The following AATK variants were observed in gnomAD, a reference collection of about 807,000 sequenced individuals.
AATK encodes serine/threonine-protein kinase LMTK1.
AATK carries 91 observed loss-of-function variants against 114.3 expected under a neutral mutation model. The ratio of observed to expected loss-of-function variants is 0.80; its 90% CI spans 0.67 to 0.95. The LOEUF is 0.95. Ranked by LOEUF, AATK falls within the 40% of genes least tolerant of loss-of-function variation. The probability of loss-of-function intolerance (pLI) is 0.00; values close to 1 mark genes in which losing one functional copy is unlikely to be tolerated. For missense variants in AATK, 2,176 were observed against 1,965.2 expected, an observed-to-expected ratio of 1.11 and a Z score of -2.03; for synonymous variants, 1,075 against 916.5, an observed-to-expected ratio of 1.17 and a Z score of -3.12.
chr17:81,122,198 G>A lies in AATK; in HGVS notation c.1738C>T (p.His580Tyr). ...CAGGGGACGTCGACGGGTGGCCCGT[G>A]GCCCAGCAGCGGCTCCATGGCCAGC... ...ASLAMEPLLG[H>Y]GPPVDVPWGR... The change falls in exon 11 of 14, where the codon CAC becomes TAC. Residue 580 changes from histidine (H) to tyrosine (Y), a missense_variant. Coordinates refer to ENST00000326724, the MANE Select transcript of AATK (RefSeq NM_001080395.3). The A allele has an allele frequency of 2.0e-6, 3 of 1,503,986 alleles. No individual in the cohort carries two copies. Among genetic ancestry groups the A allele is most frequent in the African/African-American group, 1.4e-5 (1 of 71,664 alleles). The allele number at this position is 1,503,986 out of a possible 1,614,324, so 93.2% of individuals were successfully genotyped here. A position where few individuals can be genotyped will look rare whatever the true frequency, so the allele number is the denominator to read the frequency against.
chr17:81,148,499 G>A (rs1365323959), intron 1 of AATK, among the ~76,000 whole-genome samples: 4 of 152,248 alleles, frequency 2.6e-5, no homozygotes, highest in Non-Finnish European at 5.9e-5. Context: ...CACAGGGAAC[G>A]TCCGCTGGAC....
At chr17:81,136,639 C>T (rs1406308693) in intron 1 of AATK, among the ~76,000 whole-genome samples, 1 of 152,204 alleles carries the variant, frequency 6.6e-6, no homozygotes, top group Non-Finnish European at 1.5e-5. Flanking sequence ...GCCCAGGTCC[C>T]AGTGCTGGGC....
chr17:81,142,897 A>G (rs1280801229), intron 1 of AATK, among the ~76,000 whole-genome samples: 1 of 151,928 alleles, frequency 6.6e-6, no homozygotes, highest in Non-Finnish European at 1.5e-5. Context: ...ACCAGGTGGC[A>G]CTCTCAGCCA....
At chr17:81,138,646 CACATACCCA>C in intron 1 of AATK, among the ~76,000 whole-genome samples, 1 of 101,676 alleles carries the variant, frequency 9.8e-6, no homozygotes, top group East Asian at 9.5e-4. Flanking sequence ...CACACATCCA[CACATACCCA>C]CACACATATC....
Position 81,123,213 on chromosome 17 carries a change from G to T in AATK, c.1093C>A (p.Leu365Met). ...QLKLPKPQLQ[L>M]TLSDRWYEVM... ...CCTCACCAGCGGTCCGACAGGGTCA[G>T]CTGCAGCTGGGGCTTGGGCAGCTTG... The change falls in exon 10 of 14, where the codon CTG (leucine) becomes ATG (methionine). Residue 365 changes from leucine (L) to methionine (M), a missense_variant. By Grantham distance (15) the Leu-to-Met change is conservative (BLOSUM62 2). Coordinates refer to ENST00000326724, the MANE Select transcript of AATK (RefSeq NM_001080395.3). 7.0e-7 allele frequency: 1 copy of T among 1,426,232 alleles called. No homozygotes were observed. Among genetic ancestry groups the T allele is most frequent in the Non-Finnish European group, 9.2e-7 (1 of 1,092,018 alleles). 88.3% of individuals were successfully genotyped at this position (1,426,232 alleles called of 1,614,324 possible).
In AATK at chr17:81,120,652, G is replaced by A; in HGVS notation, c.3284C>T (p.Pro1095Leu). 2 of 1,528,744 alleles carry A rather than the reference G, an allele frequency of 1.3e-6. No individual in the cohort carries two copies. Among genetic ancestry groups the A allele is most frequent in the Non-Finnish European group, 8.8e-7 (1 of 1,142,382 alleles). 94.7% of individuals were successfully genotyped at this position (1,528,744 alleles called of 1,614,324 possible). ...GPAKVRPGPS[P>L]SCSQFFLLTP... is the part of the protein sequence containing the mutation. Reference sequence around the variant, plus strand: ...CAGCAGGAAAAACTGGGAGCAGCTGGGGCTGGGCCCAGGCCGCACCTTGGC... The same window carrying A: ...CAGCAGGAAAAACTGGGAGCAGCTGAGGCTGGGCCCAGGCCGCACCTTGGC... Residue 1095 changes from proline to leucine, a missense_variant, in exon 11 of 14, where the codon CCC (proline) becomes CTC (leucine). Pro to Leu is a moderately conservative substitution (Grantham distance 98). Coordinates refer to ENST00000326724, the MANE Select transcript of AATK (RefSeq NM_001080395.3).
chr17:81,141,940 C>CT (rs1235382952), intron 1 of AATK, among the ~76,000 whole-genome samples: 3 of 132,434 alleles, frequency 2.3e-5, no homozygotes, highest in African/African-American at 5.5e-5. Flanking sequence ...TCCTTCCTTC[C>CT]TTCCTTCCTT....
chr17:81,133,633 G>C lies in AATK; in HGVS notation c.189+735C>G, dbSNP rs1420629119. 2.6e-5 allele frequency among the ~76,000 whole-genome samples: 4 copies of C among 152,226 alleles called. No homozygotes were observed. The East Asian group carries it at 5.8e-4, about 22-fold the overall frequency. On this transcript the variant is annotated intron_variant, in intron 2 of 13. Coordinates refer to ENST00000326724, the MANE Select transcript of AATK (RefSeq NM_001080395.3). Reference sequence around the variant, plus strand: ...AATGGGACCCATGGAGACTCTGGGAGGGGGAGGCGATGCTGGCCGGGGTTC... The same window carrying C: ...AATGGGACCCATGGAGACTCTGGGACGGGGAGGCGATGCTGGCCGGGGTTC...
Position 81,120,000 on chromosome 17 carries a change from A to T in AATK, c.3819T>A (p.Ser1273=). ...PPTFLRGSPG[S]PSAPNRPQQA... Reference sequence around the variant, plus strand: ...GCTGCGGCCGGTTGGGGGCGCTGGGAGAGCCGGGGCTCCCCCTAAGGAACG... The same window carrying T: ...GCTGCGGCCGGTTGGGGGCGCTGGGTGAGCCGGGGCTCCCCCTAAGGAACG... The change falls in exon 12 of 14, where the codon TCT becomes TCA. Residue 1273 remains serine (S), a synonymous_variant. Transcript: ENST00000326724. 6.9e-7 allele frequency: 1 copy of T among 1,445,216 alleles called. No homozygotes were observed. The allele number at this position is 1,445,216 out of a possible 1,614,324, so 89.5% of individuals were successfully genotyped here.
At chr17:81,131,007 C>G in intron 3 of AATK, 54 bp downstream of exon 3, 1 of 1,529,680 alleles carries the variant, frequency 6.5e-7, no homozygotes. Context: ...ACACCCAACG[C>G]CCAGCACCTG....
At position 81,117,776 on chromosome 17, in the gene AATK, C is replaced by A. The variant is rs1047701717; in HGVS notation, c.*626G>T. The A allele has an allele frequency of 1.3e-5, 2 of 152,336 alleles. No individual in the cohort carries two copies. The highest frequency in any genetic ancestry group is 1.3e-4 in the Admixed American group (2 of 15,294). The allele number at this position is 152,336 out of a possible 1,614,324, so 9.4% of individuals were successfully genotyped here. ...ACAGCGGGACCCAGGTGGGAGCAGC[C>A]TGTTCCCTGTGGGAAGGGTGGGCTT... On this transcript the variant is annotated 3_prime_UTR_variant, in exon 14 of 14. Coordinates refer to ENST00000326724, the MANE Select transcript of AATK (RefSeq NM_001080395.3).
intron 1 of AATK, among the ~76,000 whole-genome samples, chr17:81,150,490 G>T (rs867084090): frequency 6.9e-6 from 1 of 145,092 alleles, no homozygotes; most frequent in Non-Finnish European, 1.5e-5. Flanking sequence ...GACCTCCTTC[G>T]TGCTCTGCCA....
Position 81,118,284 on chromosome 17 carries a change from T to C in AATK, c.*118A>G, listed in dbSNP as rs2060593412. On this transcript the variant is annotated 3_prime_UTR_variant, in exon 14 of 14. Transcript: ENST00000326724. The stretch of plus-strand genomic sequence containing the variant: ...GGACACCGCGTGGGGCAGAGGCACC[T>C]GAATCTGCTGCCAACAGCCACCAGG... The C allele has an allele frequency of 1.7e-5, 19 of 1,093,372 alleles. No homozygotes were observed. The South Asian group carries it at 2.7e-4, about 15-fold the overall frequency. The allele number at this position is 1,093,372 out of a possible 1,614,324, so 67.7% of individuals were successfully genotyped here.
Position 81,121,313 on chromosome 17 carries a change from A to C in AATK, c.2623T>G (p.Ser875Ala). The C allele has an allele frequency of 6.2e-7, 1 of 1,610,670 alleles. No individual in the cohort carries two copies. Among genetic ancestry groups the C allele is most frequent in the Non-Finnish European group, 8.5e-7 (1 of 1,179,540 alleles). The change falls in exon 11 of 14, where the codon TCC (serine) becomes GCC (alanine). Residue 875 changes from serine (S) to alanine (A), a missense_variant. This residue lies in a region of AATK where 1,701 missense variants were observed against 1,394.7 expected (regional missense o/e 1.22). Coordinates refer to ENST00000326724, the MANE Select transcript of AATK (RefSeq NM_001080395.3). ...CTCCTGGCCTGCAGGCCGTCGCTGG[A>C]CGTGTCGGTGAAGATGCCTGAGGTG... ...EATSGIFTDT[S>A]SDGLQARRPD...
intron 1 of AATK, among the ~76,000 whole-genome samples, chr17:81,151,190 C>A (rs1353900803): frequency 6.6e-6 from 1 of 152,068 alleles, no homozygotes; most frequent in Admixed American, 6.5e-5. Flanking sequence ...AACGGAATTC[C>A]TAAGCAGAGA....
chr17:81,152,313 T>A (rs541988329), intron 1 of AATK, among the ~76,000 whole-genome samples: 1 of 151,510 alleles, frequency 6.6e-6, no homozygotes, highest in Non-Finnish European at 1.5e-5. Flanking sequence ...TGGCCGGGAG[T>A]GGTGGCTCAC....
chr17:81,161,585 A>G (rs1186668135), intron 1 of AATK, among the ~76,000 whole-genome samples: 2 of 152,106 alleles, frequency 1.3e-5, no homozygotes, highest in East Asian at 3.9e-4. Context: ...TGCAGAGAGG[A>G]CGTGAACAGT....
intron 2 of AATK, 138 bp downstream of exon 2, chr17:81,134,230 C>T (rs2060977788): frequency 2.5e-6 from 3 of 1,176,920 alleles, no homozygotes; most frequent in East Asian, 5.1e-5. Flanking sequence ...ACGTGGTCCC[C>T]AGGTGGCCCC....
chr17:81,122,570 C>T lies in AATK; in HGVS notation c.1366G>A (p.Asp456Asn), dbSNP rs770682190. ...SFPLLEQFAG[D>N]GFHADGDDVL... is the part of the protein sequence containing the mutation. Reference sequence around the variant, plus strand: ...TCGTCGCCGTCCGCGTGGAAGCCGTCGCCCGCGAACTGCTCCAGCAGCGGG... The same window carrying T: ...TCGTCGCCGTCCGCGTGGAAGCCGTTGCCCGCGAACTGCTCCAGCAGCGGG... The change falls in exon 11 of 14, where the codon GAC (aspartate) becomes AAC (asparagine). Residue 456 changes from aspartate to asparagine, a missense_variant. By Grantham distance (23) the Asp-to-Asn change is conservative. Around this residue, in one of 4 missense-constraint regions of AATK, gnomAD observed 1,701 missense variants for 1,394.7 expected, o/e 1.22. Coordinates refer to ENST00000326724, the MANE Select transcript of AATK (RefSeq NM_001080395.3). 10 of 1,460,174 alleles carry T rather than the reference C, an allele frequency of 6.8e-6. No homozygotes were observed. The highest frequency in any genetic ancestry group is 5.1e-5 in the South Asian group (4 of 78,774). 90.5% of individuals were successfully genotyped at this position (1,460,174 alleles called of 1,614,324 possible).
Sources: allele counts gnomAD v4.1 joint callset (sites outside exome capture counted in the v4.1 genomes callset), GRCh38; gene constraint gnomAD v4.1.1; regional missense constraint gnomAD v4.1.1; transcripts MANE v1.5; gene names NCBI Gene and HGNC (gene_info 2026-07-23, HGNC 2026-07-21).